MICAL3: variants seen among roughly 807,000 people sequenced by gnomAD.
The protein encoded by MICAL3 is [F-actin]-monooxygenase MICAL3.
A neutral mutation model predicts 207.4 loss-of-function variants in MICAL3; 62 were observed. The ratio of observed to expected loss-of-function variants is 0.30; its 90% CI spans 0.24 to 0.37. The LOEUF (loss-of-function observed/expected upper bound fraction) is 0.37. Among genes scored for constraint, MICAL3 ranks in the 10% least tolerant of loss-of-function variants. The pLI, the probability that MICAL3 is intolerant of heterozygous loss-of-function variation, is 1.00. For missense variants in MICAL3, 2,368 were observed against 2,635.6 expected (o/e 0.90, Z 2.22); for synonymous variants, 1,077 against 1,069.3 (o/e 1.01, Z -0.14).
At chr22:17,860,761 T>C in intron 19 of MICAL3, 1 of 985,176 alleles carries the variant, frequency 1.0e-6, no homozygotes, top group African/African-American at 1.7e-5. Context: ...GTGCTGCCCA[T>C]TTTCTGAGAC....
At chr22:17,926,124 A>C (rs1028837755) in intron 1 of MICAL3, among the ~76,000 whole-genome samples, 7 of 152,194 alleles carry the variant, frequency 4.6e-5, no homozygotes, top group African/African-American at 1.7e-4. Context: ...TCAGTAGAAC[A>C]TGAGCAAAGA....
chr22:17,822,281 C>G (rs1921727174), intron 23 of MICAL3, 111 bp from the exon 24 acceptor site: 1 of 1,359,528 alleles, frequency 7.4e-7, no homozygotes, highest in Admixed American at 2.3e-5. Flanking sequence ...TGCTCAGGTG[C>G]AGGCCTGGAG....
At chr22:17,909,146 C>T (rs1931953816) in intron 1 of MICAL3, among the ~76,000 whole-genome samples, 1 of 152,192 alleles carries the variant, frequency 6.6e-6, no homozygotes, top group Non-Finnish European at 1.5e-5. Context: ...GTGGAGGATA[C>T]ATTGCAGATG....
At chr22:17,873,953 CAGCAACTCACCATG>C (rs963029768) in intron 16 of MICAL3, among the ~76,000 whole-genome samples, 2 of 152,208 alleles carry the variant, frequency 1.3e-5, no homozygotes, top group African/African-American at 4.8e-5. Context: ...AATTCTGACT[CAGCAACTCACCATG>C]AGCCATTATC....
intron 16 of MICAL3, among the ~76,000 whole-genome samples, chr22:17,874,945 C>T (rs1046490445): frequency 1.3e-5 from 2 of 152,220 alleles, no homozygotes; most frequent in African/African-American, 4.8e-5. Context: ...GCAAAGAGAC[C>T]TTCCAATCTC....
chr22:17,810,093 C>A (rs1005575501), intron 28 of MICAL3, among the ~76,000 whole-genome samples: 1 of 134,334 alleles, frequency 7.4e-6, no homozygotes, highest in Non-Finnish European at 1.5e-5. Flanking sequence ...GACAGAGTCT[C>A]TCTGTGTCGC....
rs866885941 is a variant in MICAL3 at position 17,902,474 on chromosome 22, G to A, written c.589+157C>T. Among the ~76,000 whole-genome samples, 2 of 152,172 alleles carry A rather than the reference G, an allele frequency of 1.3e-5. No homozygotes were observed. Among genetic ancestry groups the A allele is most frequent in the South Asian group, 2.1e-4 (1 of 4,836 alleles). On this transcript the variant is annotated intron_variant, in intron 4 of 31. Coordinates refer to ENST00000441493, the MANE Select transcript of MICAL3 (RefSeq NM_015241.3). This position sits in a 1 kb window ranked among gnomAD's most constrained non-coding sequence, Gnocchi z 4.5. Reference sequence around the variant, plus strand: ...CCCTTCCCACCACATGTGCGCCTGCGACATCTAAGGCTGCATCCAGGCCAA... The same window carrying A: ...CCCTTCCCACCACATGTGCGCCTGCAACATCTAAGGCTGCATCCAGGCCAA...
chr22:17,791,781 G>A (rs374050599), intron 29 of MICAL3: 13 of 172,808 alleles, frequency 7.5e-5, no homozygotes, highest in African/African-American at 2.6e-4. Context: ...CTCTCCAGGG[G>A]CCACCAGAAT....
intron 1 of MICAL3, among the ~76,000 whole-genome samples, chr22:17,985,401 T>A (rs1033964889): frequency 4.6e-5 from 7 of 152,080 alleles, no homozygotes; most frequent in African/African-American, 1.7e-4. Context: ...TCCCTGGTAC[T>A]TTCAAGCTGA....
intron 20 of MICAL3, among the ~76,000 whole-genome samples, chr22:17,832,745 G>T (rs1260191988): frequency 6.6e-6 from 1 of 152,154 alleles, no homozygotes; most frequent in Non-Finnish European, 1.5e-5. Context: ...GGTGTGGTGG[G>T]GGGAGGGGGG....
intron 19 of MICAL3, chr22:17,864,441 C>G: frequency 7.1e-7 from 1 of 1,413,024 alleles, no homozygotes; most frequent in Non-Finnish European, 9.2e-7. Flanking sequence ...GGGGCTTAAT[C>G]AACACAGCTC....
chr22:17,952,711 G>A (rs879882734), intron 1 of MICAL3, among the ~76,000 whole-genome samples: 1 of 152,128 alleles, frequency 6.6e-6, no homozygotes, highest in Non-Finnish European at 1.5e-5. Context: ...CGTCAGAGAG[G>A]CCACTGAGTG....
At chr22:17,813,944 C>T (rs2062075652) in intron 27 of MICAL3, 1 of 152,198 alleles carries the variant, frequency 6.6e-6, no homozygotes, top group Non-Finnish European at 1.5e-5. Flanking sequence ...GGTCGGGCTA[C>T]AGGTGACTTT....
rs147040385 is a variant in MICAL3, at chr22:17,970,493, G to A, written c.-75+53788C>T. ...GAACTCTGCAGTCACGGCTGTGACCGACTCACTATGTGGCAGATGGGCTTC... is the reference window on the plus strand; with the variant it reads ...GAACTCTGCAGTCACGGCTGTGACCAACTCACTATGTGGCAGATGGGCTTC... On this transcript the variant is annotated intron_variant, in intron 1 of 31. Coordinates refer to ENST00000441493, the MANE Select transcript of MICAL3 (RefSeq NM_015241.3). Among the ~76,000 whole-genome samples, 12 of 152,340 alleles carry A rather than the reference G, an allele frequency of 7.9e-5. No homozygotes were observed. In the East Asian group the frequency reaches 1.9e-3, roughly 24 times the overall value.
At chr22:18,008,784 G>A (rs1475454805) in intron 1 of MICAL3, among the ~76,000 whole-genome samples, 1 of 151,880 alleles carries the variant, frequency 6.6e-6, no homozygotes, top group African/African-American at 2.4e-5. Context: ...CAGGAAGAAG[G>A]AAATTAAGAT....
intron 19 of MICAL3, chr22:17,864,519 G>A: frequency 1.0e-5 from 15 of 1,433,642 alleles, no homozygotes; most frequent in Non-Finnish European, 1.4e-5. Flanking sequence ...ACCAGGGCGG[G>A]TGATGGGAGC....
At chr22:17,846,981 T>C (rs1924695884) in intron 19 of MICAL3, among the ~76,000 whole-genome samples, 5 of 152,154 alleles carry the variant, frequency 3.3e-5, no homozygotes, top group Admixed American at 3.3e-4. Flanking sequence ...GGAAGAAACG[T>C]TTCTCCTAAC....
At chr22:17,834,855 A>C (rs405490) in intron 20 of MICAL3, among the ~76,000 whole-genome samples, 1 of 152,154 alleles carries the variant, frequency 6.6e-6, no homozygotes, top group Non-Finnish European at 1.5e-5. Flanking sequence ...GTCATTTAAC[A>C]CTGTTTGAAC....
At chr22:17,923,325 A>G (rs1932841393) in intron 1 of MICAL3, among the ~76,000 whole-genome samples, 1 of 152,224 alleles carries the variant, frequency 6.6e-6, no homozygotes, top group Non-Finnish European at 1.5e-5. Flanking sequence ...CCCAAAGACC[A>G]GTTGCCAAAA....
Sources: gnomAD v4.1 joint callset for allele counts (sites outside exome capture counted in the v4.1 genomes callset) on GRCh38, gnomAD v4.1.1 for gene constraint, Gnocchi (gnomAD v3.1) non-coding constraint, MANE v1.5 for transcripts, NCBI Gene and HGNC (gene_info 2026-07-23, HGNC 2026-07-21) for gene names.